The following MECR variants were observed in gnomAD, a reference collection of about 807,000 sequenced individuals.
MECR encodes the protein mitochondrial trans-2-enoyl-CoA reductase.
MECR carries 37 observed loss-of-function variants against 49.1 expected under a neutral mutation model. The ratio of observed to expected loss-of-function variants is 0.75; its 90% CI spans 0.58 to 0.99. The LOEUF is 0.99. MECR is among the 50% of genes least tolerant of loss of function. The probability of loss-of-function intolerance (pLI) is 0.00; values close to 1 mark genes in which losing one functional copy is unlikely to be tolerated. For missense variants in MECR, 470 were observed against 479.6 expected, an observed-to-expected ratio of 0.98 and a Z score of 0.19; for synonymous variants, 198 against 191.1, an observed-to-expected ratio of 1.04 and a Z score of -0.30.
downstream of MECR, among the ~76,000 whole-genome samples, chr1:29,190,248 G>T (rs1673093492): frequency 6.6e-6 from 1 of 152,104 alleles, no homozygotes; most frequent in Non-Finnish European, 1.5e-5. Flanking sequence ...GGTGGCAGGC[G>T]CCTGTAGTCC....
chr1:29,202,410 G>A (rs998735849), intron 5 of MECR, among the ~76,000 whole-genome samples: 3 of 152,190 alleles, frequency 2.0e-5, no homozygotes, highest in African/African-American at 7.2e-5. Flanking sequence ...GACATACACA[G>A]TCTAGACCAG....
chr1:29,169,908 T>C, the MECR span: 1 of 152,248 alleles, frequency 6.6e-6, no homozygotes, highest in Non-Finnish European at 1.5e-5. Flanking sequence ...TCTTACTCTG[T>C]AACTACTCTA....
At chr1:29,190,180 C>T (rs532716390), downstream of MECR, among the ~76,000 whole-genome samples, 6 of 151,884 alleles carry the variant, frequency 4.0e-5, no homozygotes, top group South Asian at 1.2e-3. Flanking sequence ...CGAGATCATC[C>T]TGGCTAACAC....
At chr1:29,170,184 A>G in the MECR span, 1 of 152,230 alleles carries the variant, frequency 6.6e-6, no homozygotes, top group Admixed American at 6.5e-5. Context: ...CTTTCAAAAA[A>G]GGGGAATCAA....
chr1:29,215,461 C>T (rs1488705284), intron 3 of MECR, among the ~76,000 whole-genome samples: 2 of 152,032 alleles, frequency 1.3e-5, no homozygotes, highest in Non-Finnish European at 2.9e-5. Flanking sequence ...ACCTGTAATC[C>T]CAGCTACTCG....
At chr1:29,167,736 T>C in the MECR span, among the ~76,000 whole-genome samples, 1 of 152,330 alleles carries the variant, frequency 6.6e-6, no homozygotes, top group South Asian at 2.1e-4. Flanking sequence ...ACCTTCTCTT[T>C]TGATTATGAG....
chr1:29,217,735 T>A (rs922100916), intron 1 of MECR, among the ~76,000 whole-genome samples: 5 of 152,214 alleles, frequency 3.3e-5, no homozygotes, highest in Non-Finnish European at 5.9e-5. Context: ...AGCTGACATG[T>A]CCTCCACATG....
intron 1 of MECR, among the ~76,000 whole-genome samples, chr1:29,217,909 CT>C (rs1325031398): frequency 6.6e-6 from 1 of 152,172 alleles, no homozygotes; most frequent in African/African-American, 2.4e-5. Context: ...GGATTCTTGT[CT>C]GGCAGAAAAG....
At chr1:29,204,339 G>A (rs1676044805) in intron 4 of MECR, among the ~76,000 whole-genome samples, 1 of 152,180 alleles carries the variant, frequency 6.6e-6, no homozygotes, top group Admixed American at 6.5e-5. Flanking sequence ...ACAACGGGCT[G>A]AAACTAGAGA....
At chr1:29,173,584 G>C in the MECR span, 1 of 147,354 alleles carries the variant, frequency 6.8e-6, no homozygotes, top group African/African-American at 2.5e-5. Context: ...TAAGTAGCTG[G>C]GATTACAGCA....
At chr1:29,181,152 A>T in the MECR span, among the ~76,000 whole-genome samples, 3 of 152,238 alleles carry the variant, frequency 2.0e-5, no homozygotes, top group African/African-American at 7.2e-5. Context: ...ACGGCTAAAA[A>T]GGGCCTCCCT....
intron 3 of MECR, among the ~76,000 whole-genome samples, chr1:29,214,168 T>A (rs1460771863): frequency 6.6e-6 from 1 of 151,470 alleles, no homozygotes; most frequent in African/African-American, 2.4e-5. Context: ...ATCAAGTGAT[T>A]CTCCTGCCTC....
chr1:29,200,462 G>A (rs1162774486), intron 7 of MECR, 54 bp downstream of exon 7: 3 of 1,544,058 alleles, frequency 1.9e-6, no homozygotes, highest in Non-Finnish European at 2.7e-6. Flanking sequence ...GGTCCTCCCA[G>A]CTAAAGACCT....
the MECR span, among the ~76,000 whole-genome samples, chr1:29,178,163 G>T: frequency 2.6e-5 from 4 of 151,940 alleles, no homozygotes; most frequent in Non-Finnish European, 5.9e-5. Flanking sequence ...GCCTCCCAAG[G>T]TGATGGGATT....
chr1:29,226,831 C>T (rs1388813588), intron 1 of MECR, among the ~76,000 whole-genome samples: 1 of 151,498 alleles, frequency 6.6e-6, no homozygotes, highest in Admixed American at 6.6e-5. Flanking sequence ...GCTTGCTATA[C>T]AGCAGGTATA....
chr1:29,168,029 T>TTTA, the MECR span, among the ~76,000 whole-genome samples: 5,121 of 140,966 alleles, frequency 0.036, 432 homozygotes, highest in East Asian at 0.36. Context: ...TTTTTTTTTT[T>TTTA]AAAAAAAACA....
chr1:29,200,677 G>A, intron 6 of MECR, 88 bp from the exon 7 acceptor site: 2 of 1,115,616 alleles, frequency 1.8e-6, no homozygotes, highest in Non-Finnish European at 2.7e-6. Context: ...TAAAAGGAGG[G>A]AGTAAATGAG....
intron 4 of MECR, among the ~76,000 whole-genome samples, chr1:29,204,436 A>T (rs1030512659): frequency 3.3e-5 from 5 of 152,118 alleles, no homozygotes; most frequent in Non-Finnish European, 5.9e-5. Context: ...TTATGAATCA[A>T]TCTAGTTGGT....
chr1:29,189,214 G>A (rs1002153587), downstream of MECR, among the ~76,000 whole-genome samples: 1 of 144,502 alleles, frequency 6.9e-6, no homozygotes, highest in Admixed American at 6.7e-5. Flanking sequence ...TGGGATTACA[G>A]GTGTGAGCCA....
Sources: allele counts gnomAD v4.1 joint callset (sites outside exome capture counted in the v4.1 genomes callset), GRCh38; gene constraint gnomAD v4.1.1; transcripts MANE v1.5; gene names NCBI Gene and HGNC (gene_info 2026-07-23, HGNC 2026-07-21).